Variants in OPRM1 observed in about 807,000 individuals in gnomAD.
The protein encoded by OPRM1 is mu-type opioid receptor.
In OPRM1, 27 loss-of-function variants were observed where a neutral mutation model predicts 31.8. The observed-to-expected ratio is 0.85, with a 90% confidence interval of 0.63 to 1.17. The LOEUF is 1.17. Among genes scored for constraint, OPRM1 ranks in the 50% most tolerant of loss-of-function variants. The pLI is 0.00. For synonymous variants in OPRM1, 196 were observed against 189.9 expected (o/e 1.03, Z -0.26); for missense variants, 536 against 511.1 (o/e 1.05, Z -0.47).
At chr6:154,190,245 C>G (rs931506830) in intron 3 of OPRM1, among the ~76,000 whole-genome samples, 12 of 151,910 alleles carry the variant, frequency 7.9e-5, no homozygotes, top group African/African-American at 2.7e-4. Context: ...TATACACACA[C>G]ATACAAAGAT....
At chr6:154,158,904 TTTTG>T (rs552319485) in intron 3 of OPRM1, 183 of 152,320 alleles carry the variant, frequency 1.2e-3, no homozygotes, top group African/African-American at 4.3e-3. Context: ...TTCCATGGGT[TTTTG>T]TTTTTTTGTT....
At chr6:154,184,027 T>C (rs1417141280) in intron 3 of OPRM1, among the ~76,000 whole-genome samples, 1 of 152,166 alleles carries the variant, frequency 6.6e-6, no homozygotes, top group Non-Finnish European at 1.5e-5. Context: ...CTAGTCACTA[T>C]GCTGCATATT....
At chr6:154,084,516 C>A (rs1790027672) in intron 1 of OPRM1, among the ~76,000 whole-genome samples, 1 of 152,026 alleles carries the variant, frequency 6.6e-6, no homozygotes, top group Non-Finnish European at 1.5e-5. Context: ...GGTAGATACT[C>A]ATTTGACCAT....
chr6:154,029,775 G>A (rs1778902894), intron 1 of OPRM1, among the ~76,000 whole-genome samples: 1 of 152,192 alleles, frequency 6.6e-6, no homozygotes, highest in South Asian at 2.1e-4. Context: ...TGTTCTCATG[G>A]TAGTGAATGA....
chr6:154,147,725 G>T (rs1016687), intron 3 of OPRM1, among the ~76,000 whole-genome samples: 3,408 of 152,208 alleles, frequency 0.022, 81 homozygotes, highest in African/African-American at 0.061. Context: ...GGAACCCAAA[G>T]GAACTAAGTG....
Position 154,062,364 on chromosome 6 carries a change from C to T in OPRM1, c.290+22530C>T, listed in dbSNP as rs147223341. Among the ~76,000 whole-genome samples the T allele has an allele frequency of 3.0e-3, 455 of 152,190 alleles. 4 individuals are homozygous for T. Among genetic ancestry groups the T allele is most frequent in the African/African-American group, 0.01 (423 of 41,532 alleles). On this transcript the variant is annotated intron_variant, in intron 1 of 3. Coordinates refer to ENST00000330432, the MANE Select transcript of OPRM1 (RefSeq NM_000914.5). The stretch of plus-strand genomic sequence containing the variant: ...AAAATGTTGTTAGTGCCAAATGACT[C>T]TATTCCAAGTCAGAAGACAACTCCA...
At chr6:154,092,564 G>T (rs1174757706) in intron 3 of OPRM1, among the ~76,000 whole-genome samples, 1 of 152,210 alleles carries the variant, frequency 6.6e-6, no homozygotes, top group Non-Finnish European at 1.5e-5. Flanking sequence ...CAAGTCAAAT[G>T]ATTGAGGAGC....
upstream of OPRM1, among the ~76,000 whole-genome samples, chr6:154,038,540 A>C (rs1173500641): frequency 2.0e-5 from 3 of 152,230 alleles, no homozygotes; most frequent in African/African-American, 7.2e-5. Context: ...TTTTGTTTTA[A>C]CAACCTTCTT....
chr6:154,202,873 T>C (rs748096947), intron 3 of OPRM1, among the ~76,000 whole-genome samples: 4 of 151,744 alleles, frequency 2.6e-5, no homozygotes, highest in Non-Finnish European at 2.9e-5. Flanking sequence ...AAAAAAGAAA[T>C]AGAAGAAACA....
At chr6:154,060,507 A>G (rs1212947765) in intron 1 of OPRM1, among the ~76,000 whole-genome samples, 2 of 152,082 alleles carry the variant, frequency 1.3e-5, no homozygotes, top group African/African-American at 4.8e-5. Context: ...CCCATAGACT[A>G]CTCCAGTCCA....
chr6:154,102,232 A>T (rs1189809525), intron 3 of OPRM1, among the ~76,000 whole-genome samples: 1 of 150,290 alleles, frequency 6.7e-6, no homozygotes, highest in Admixed American at 6.6e-5. Context: ...CTAAAAATGT[A>T]AATGGCCCCA....
chr6:154,085,934 C>A (rs375966847), intron 1 of OPRM1, among the ~76,000 whole-genome samples: 121 of 136,548 alleles, frequency 8.9e-4, no homozygotes, highest in African/African-American at 3.4e-3. Flanking sequence ...GTTGCTCAGG[C>A]TGGAATGCAG....
upstream of OPRM1, among the ~76,000 whole-genome samples, chr6:154,037,368 A>G (rs1214590478): frequency 1.3e-5 from 2 of 151,968 alleles, no homozygotes; most frequent in African/African-American, 4.8e-5. Flanking sequence ...TAAAAAAAAA[A>G]AAAAGGGACT....
chr6:154,102,630 AATGCCAGTAGCACCCACCC>A (rs1463598996), intron 3 of OPRM1, among the ~76,000 whole-genome samples: 1 of 152,080 alleles, frequency 6.6e-6, no homozygotes, highest in Admixed American at 6.5e-5. Flanking sequence ...CAACACACTA[AATGCCAGTAGCACCCACCC>A]ATCTCCCACT....
intron 1 of OPRM1, among the ~76,000 whole-genome samples, chr6:154,086,040 G>T (rs1790476379): frequency 6.6e-6 from 1 of 151,994 alleles, no homozygotes; most frequent in South Asian, 2.1e-4. Flanking sequence ...TAGAGACAGG[G>T]TTGACCAGGC....
chr6:154,027,613 G>A (rs192295865), intron 1 of OPRM1, among the ~76,000 whole-genome samples: 1 of 152,214 alleles, frequency 6.6e-6, no homozygotes, highest in Non-Finnish European at 1.5e-5. Flanking sequence ...TTGTCCAAGA[G>A]CCACGTTCTA....
chr6:154,173,911 G>T (rs2128559502), intron 3 of OPRM1, among the ~76,000 whole-genome samples: 1 of 152,262 alleles, frequency 6.6e-6, no homozygotes, highest in Admixed American at 6.5e-5. Flanking sequence ...AATGTTAAGG[G>T]CAGTCAGAGA....
intron 3 of OPRM1, among the ~76,000 whole-genome samples, chr6:154,175,042 G>A (rs1299816834): frequency 6.6e-6 from 1 of 152,178 alleles, no homozygotes; most frequent in African/African-American, 2.4e-5. Context: ...ACAACTACAT[G>A]GAAACTGAAC....
chr6:154,225,536 G>C (rs1468393163), intron 3 of OPRM1, among the ~76,000 whole-genome samples: 1 of 152,208 alleles, frequency 6.6e-6, no homozygotes. Context: ...ATATCCAGAA[G>C]TGGAAATCCA....
Sources: gnomAD v4.1 joint callset for allele counts (sites outside exome capture counted in the v4.1 genomes callset) on GRCh38, gnomAD v4.1.1 for gene constraint, MANE v1.5 for transcripts, NCBI Gene and HGNC (gene_info 2026-07-23, HGNC 2026-07-21) for gene names.